RNF150: variants seen among roughly 807,000 people sequenced by gnomAD.
The protein encoded by RNF150 is ring finger protein 150.
Under a neutral mutation model 39.3 loss-of-function variants are expected in RNF150, and 24 were observed. The ratio of observed to expected loss-of-function variants is 0.61; its 90% confidence interval spans 0.44 to 0.86. The LOEUF is 0.86. Among genes scored for constraint, RNF150 ranks in the 40% least tolerant of loss-of-function variants. The pLI, the probability that RNF150 is intolerant of heterozygous loss-of-function variation, is 0.00. For synonymous variants in RNF150, 255 were observed against 227.3 expected (o/e 1.12, Z -1.10); for missense variants, 502 against 587.8 (o/e 0.85, Z 1.51).
At chr4:141,136,533 C>T (rs1027142779), upstream of RNF150, among the ~76,000 whole-genome samples, 8 of 152,134 alleles carry the variant, frequency 5.3e-5, no homozygotes, top group Non-Finnish European at 8.8e-5. Flanking sequence ...TTTCCAGTGG[C>T]ACTTCTTGAA....
intron 1 of RNF150, among the ~76,000 whole-genome samples, chr4:141,148,967 A>G (rs1727250027): frequency 6.6e-6 from 1 of 152,084 alleles, no homozygotes; most frequent in Non-Finnish European, 1.5e-5. Flanking sequence ...GCCTGTCTTT[A>G]TTGAAGTCAC....
At chr4:140,997,613 G>C (rs1734422904) in intron 1 of RNF150, among the ~76,000 whole-genome samples, 1 of 150,680 alleles carries the variant, frequency 6.6e-6, no homozygotes, top group South Asian at 2.1e-4. Flanking sequence ...TACTCAGGAG[G>C]CTAAGGCAGG....
intron 1 of RNF150, among the ~76,000 whole-genome samples, chr4:141,082,296 C>A (rs963203691): frequency 6.6e-5 from 10 of 152,308 alleles, no homozygotes; most frequent in Admixed American, 5.9e-4. Context: ...TCCTGCGTCA[C>A]GGCTATAAAC....
At chr4:141,166,570 A>C (rs1274157355) in intron 1 of RNF150, among the ~76,000 whole-genome samples, 1 of 152,238 alleles carries the variant, frequency 6.6e-6, no homozygotes, top group Non-Finnish European at 1.5e-5. Context: ...CAAATCCAGC[A>C]GCAAATCAAA....
Position 140,967,180 on chromosome 4 carries a change from A to G in RNF150, c.735+443T>C, listed in dbSNP as rs1733275074. Among the ~76,000 whole-genome samples, 4 of 152,146 alleles carry G rather than the reference A, an allele frequency of 2.6e-5. No homozygotes were observed. The South Asian group carries it at 8.3e-4, about 31-fold the overall frequency. ...GAGAGACACACATGGGAAGGCAATT[A>G]CTTTTCATTATACGCCATGTGATAC... On this transcript the variant is annotated intron_variant, in intron 2 of 6. Coordinates refer to ENST00000515673, the MANE Select transcript of RNF150 (RefSeq NM_020724.2).
At chr4:141,157,475 G>A (rs1417771005) in intron 1 of RNF150, among the ~76,000 whole-genome samples, 1 of 152,164 alleles carries the variant, frequency 6.6e-6, no homozygotes, top group Non-Finnish European at 1.5e-5. Flanking sequence ...GTCAGTAAGG[G>A]AGAATTGGGA....
chr4:141,041,339 A>G (rs1410168230), intron 1 of RNF150, among the ~76,000 whole-genome samples: 1 of 152,158 alleles, frequency 6.6e-6, no homozygotes, highest in Non-Finnish European at 1.5e-5. Context: ...TGAGGTCATA[A>G]AGGGTAGAAT....
chr4:141,163,461 C>T (rs1413041866), intron 1 of RNF150, among the ~76,000 whole-genome samples: 1 of 152,240 alleles, frequency 6.6e-6, no homozygotes, highest in African/African-American at 2.4e-5. Flanking sequence ...TGCTAAGGGA[C>T]AGACTGCCTC....
chr4:140,967,876 G>A lies in RNF150; in HGVS notation c.485-3C>T. 6.2e-7 allele frequency: 1 copy of A among 1,612,164 alleles called. No homozygotes were observed. Among genetic ancestry groups the A allele is most frequent in the Non-Finnish European group, 8.5e-7 (1 of 1,178,562 alleles). On this transcript the variant is annotated splice_polypyrimidine_tract_variant and splice_region_variant and intron_variant, in intron 1 of 6. Coordinates refer to ENST00000515673, the MANE Select transcript of RNF150 (RefSeq NM_020724.2). ...TATGGCCACGATGTCTTCTACACCTGTGGTAAGAGGGGAAGGAAGGGGCAA... is the reference window on the plus strand; with the variant it reads ...TATGGCCACGATGTCTTCTACACCTATGGTAAGAGGGGAAGGAAGGGGCAA...
chr4:141,027,917 T>G (rs914754536), intron 1 of RNF150, among the ~76,000 whole-genome samples: 9 of 53,452 alleles, frequency 1.7e-4, no homozygotes, highest in Non-Finnish European at 2.8e-4. Context: ...AATTTGTTTT[T>G]TTTTTTTTGT....
intron 1 of RNF150, among the ~76,000 whole-genome samples, chr4:141,012,025 C>G (rs988005504): frequency 1.3e-5 from 2 of 152,224 alleles, no homozygotes; most frequent in Admixed American, 1.3e-4. Flanking sequence ...TTCTGGTTAA[C>G]CTCATTCTTT....
chr4:141,149,670 T>C (rs141480093), intron 1 of RNF150, among the ~76,000 whole-genome samples: 62 of 152,356 alleles, frequency 4.1e-4, no homozygotes, highest in African/African-American at 1.4e-3. Context: ...CCATATTTTT[T>C]GCAATTGCAG....
chr4:141,087,699 G>C (rs1321392101), intron 1 of RNF150, among the ~76,000 whole-genome samples: 1 of 151,956 alleles, frequency 6.6e-6, no homozygotes, highest in African/African-American at 2.4e-5. Context: ...CTTCCATATA[G>C]CCCTTGATTA....
intron 2 of RNF150, among the ~76,000 whole-genome samples, chr4:140,960,414 GT>G (rs1347294604): frequency 1.3e-5 from 2 of 152,144 alleles, no homozygotes; most frequent in Admixed American, 1.3e-4. Context: ...TAAATGGGTA[GT>G]TTTTATAATT....
chr4:141,002,466 G>C (rs1734701204), intron 1 of RNF150, among the ~76,000 whole-genome samples: 1 of 151,920 alleles, frequency 6.6e-6, no homozygotes, highest in Non-Finnish European at 1.5e-5. Context: ...TAAGAGCTTG[G>C]GTCAAAATGA....
chr4:141,147,813 A>G (rs1727227865), intron 1 of RNF150, among the ~76,000 whole-genome samples: 1 of 152,194 alleles, frequency 6.6e-6, no homozygotes, highest in South Asian at 2.1e-4. Flanking sequence ...ATTGAACATT[A>G]CTAATTTTTT....
chr4:140,941,796 A>C (rs1020648954), intron 4 of RNF150, among the ~76,000 whole-genome samples: 9 of 152,218 alleles, frequency 5.9e-5, no homozygotes, highest in African/African-American at 2.2e-4. Flanking sequence ...TGAGTATTAT[A>C]ACAATAGCAA....
At chr4:141,163,674 G>T (rs1015072736) in intron 1 of RNF150, among the ~76,000 whole-genome samples, 11 of 152,210 alleles carry the variant, frequency 7.2e-5, no homozygotes, top group African/African-American at 2.6e-4. Flanking sequence ...GGTCTAGAGT[G>T]GACCTCCAGC....
chr4:141,007,098 G>T (rs1734896858), intron 1 of RNF150, among the ~76,000 whole-genome samples: 1 of 152,136 alleles, frequency 6.6e-6, no homozygotes, highest in African/African-American at 2.4e-5. Flanking sequence ...GATTTCCAAA[G>T]GTTAGAAAGG....
Sources: allele counts gnomAD v4.1 joint callset (sites outside exome capture counted in the v4.1 genomes callset), GRCh38; gene constraint gnomAD v4.1.1; transcripts MANE v1.5; gene names NCBI Gene and HGNC (gene_info 2026-07-23, HGNC 2026-07-21).